Variants in THSD7A observed in about 807,000 individuals in gnomAD.
THSD7A encodes thrombospondin type 1 domain containing 7A.
THSD7A carries 96 observed loss-of-function variants against 231.3 expected under a neutral mutation model. That is an observed-to-expected ratio of 0.41 (90% CI 0.35 to 0.49). The LOEUF (loss-of-function observed/expected upper bound fraction) is 0.49. Among genes scored for constraint, THSD7A ranks in the 20% least tolerant of loss-of-function variants. The pLI is 0.05. For synonymous variants in THSD7A, 940 were observed against 743.3 expected, an observed-to-expected ratio of 1.26 and a Z score of -4.30; for missense variants, 2,290 against 2,070.2, an observed-to-expected ratio of 1.11 and a Z score of -2.06.
intron 2 of THSD7A, among the ~76,000 whole-genome samples, chr7:11,618,556 T>C (rs548703843): frequency 4.6e-5 from 7 of 151,866 alleles, no homozygotes; most frequent in Non-Finnish European, 7.4e-5. Flanking sequence ...AATCCCAGCA[T>C]CTTGGGAGGC....
intron 2 of THSD7A, among the ~76,000 whole-genome samples, chr7:11,635,311 G>C (rs764357993): frequency 5.3e-5 from 8 of 152,044 alleles, no homozygotes; most frequent in Non-Finnish European, 1.2e-4. Context: ...TTCTGAAAAA[G>C]CAATTATGCA....
intron 11 of THSD7A, among the ~76,000 whole-genome samples, chr7:11,458,095 T>C (rs1785367853): frequency 6.6e-6 from 1 of 152,118 alleles, no homozygotes; most frequent in African/African-American, 2.4e-5. Context: ...GAAATTCTGA[T>C]GTGCTAGGGG....
chr7:11,460,609 A>T, intron 11 of THSD7A, 53 bp downstream of exon 11: 1 of 1,443,052 alleles, frequency 6.9e-7, no homozygotes, highest in Non-Finnish European at 9.5e-7. Flanking sequence ...GCATCAAAAC[A>T]GTAGTTAAAC....
Position 11,590,956 on chromosome 7 carries a change from G to A in THSD7A, c.1272-315C>T, listed in dbSNP as rs1780138934. Among the ~76,000 whole-genome samples the A allele has an allele frequency of 6.6e-6, 1 of 152,150 alleles. No individual in the cohort carries two copies. Among genetic ancestry groups the A allele is most frequent in the African/African-American group, 2.4e-5 (1 of 41,432 alleles). The stretch of plus-strand genomic sequence containing the variant: ...GTTCAATTAAGCTGAACCCAGGCTT[G>A]CCCTTTCTTGTTGCCTATAAACAAA... On this transcript the variant is annotated intron_variant, in intron 3 of 27. Coordinates refer to ENST00000423059, the MANE Select transcript of THSD7A (RefSeq NM_015204.3). The surrounding 1 kb of genome is among the most constrained non-coding windows in gnomAD (Gnocchi z 4.4).
At chr7:11,470,802 A>C (rs1785908056) in intron 8 of THSD7A, among the ~76,000 whole-genome samples, 1 of 151,892 alleles carries the variant, frequency 6.6e-6, no homozygotes, top group Admixed American at 6.6e-5. Flanking sequence ...TACTATTTTC[A>C]AAATAACAGC....
At chr7:11,417,925 T>C (rs1784015998) in intron 16 of THSD7A, among the ~76,000 whole-genome samples, 1 of 152,206 alleles carries the variant, frequency 6.6e-6, no homozygotes, top group Admixed American at 6.5e-5. Flanking sequence ...AAGAGGGTCA[T>C]TTATACACAT....
intron 1 of THSD7A, among the ~76,000 whole-genome samples, chr7:11,657,558 C>G (rs1338997749): frequency 1.3e-5 from 2 of 151,744 alleles, no homozygotes; most frequent in Non-Finnish European, 2.9e-5. Context: ...TTGTGCTCAC[C>G]TACACTCTTA....
intron 6 of THSD7A, among the ~76,000 whole-genome samples, chr7:11,504,858 A>C (rs919830414): frequency 1.3e-5 from 2 of 151,970 alleles, no homozygotes; most frequent in Non-Finnish European, 2.9e-5. Flanking sequence ...TTTATTTGTA[A>C]ATTTTAGTTG....
chr7:11,816,216 A>T (rs1481942782), intron 1 of THSD7A, among the ~76,000 whole-genome samples: 1 of 152,214 alleles, frequency 6.6e-6, no homozygotes. Context: ...CTTGCCATAA[A>T]ATAGGTACTA....
intron 4 of THSD7A, among the ~76,000 whole-genome samples, chr7:11,556,788 G>T (rs772596205): frequency 6.6e-6 from 1 of 151,930 alleles, no homozygotes; most frequent in Non-Finnish European, 1.5e-5. Context: ...GAAAAATATG[G>T]TAGTACTTTA....
chr7:11,536,411 C>T (rs1788917352), intron 6 of THSD7A, among the ~76,000 whole-genome samples: 1 of 152,146 alleles, frequency 6.6e-6, no homozygotes, highest in Non-Finnish European at 1.5e-5. Context: ...CAGCCTCATC[C>T]CTGACTTTAG....
intron 6 of THSD7A, among the ~76,000 whole-genome samples, chr7:11,529,896 C>T (rs1788632169): frequency 6.6e-6 from 1 of 152,148 alleles, no homozygotes; most frequent in Admixed American, 6.5e-5. Flanking sequence ...ATAAAAGTAA[C>T]AACAAACACT....
chr7:11,739,310 G>C (rs1276991987), intron 1 of THSD7A, among the ~76,000 whole-genome samples: 1 of 151,942 alleles, frequency 6.6e-6, no homozygotes, highest in Non-Finnish European at 1.5e-5. Flanking sequence ...TAAAATTTAA[G>C]ACAGTGTTAA....
chr7:11,750,900 A>G (rs890507294), intron 1 of THSD7A, among the ~76,000 whole-genome samples: 8 of 152,156 alleles, frequency 5.3e-5, no homozygotes, highest in African/African-American at 2.4e-5. Flanking sequence ...AATAGAGTCA[A>G]AGAGTCACTG....
chr7:11,742,771 G>T (rs1250591235), intron 1 of THSD7A, among the ~76,000 whole-genome samples: 2 of 151,874 alleles, frequency 1.3e-5, no homozygotes, highest in African/African-American at 4.8e-5. Context: ...GAGGAGGTCA[G>T]ATCAGACAGA....
chr7:11,619,834 T>C (rs547586819), intron 2 of THSD7A, among the ~76,000 whole-genome samples: 1 of 152,294 alleles, frequency 6.6e-6, no homozygotes, highest in East Asian at 1.9e-4. Context: ...TTTATCTTTA[T>C]AATTGGTATT....
chr7:11,713,761 A>G (rs1189768566), intron 1 of THSD7A, among the ~76,000 whole-genome samples: 1 of 151,246 alleles, frequency 6.6e-6, no homozygotes, highest in Non-Finnish European at 1.5e-5. Context: ...AAACAGGCAC[A>G]CAGAGCTAGA....
At chr7:11,770,134 A>G (rs938017753) in intron 1 of THSD7A, among the ~76,000 whole-genome samples, 1 of 152,062 alleles carries the variant, frequency 6.6e-6, no homozygotes, top group East Asian at 1.9e-4. Flanking sequence ...CCAACTTTTC[A>G]TCATACATTT....
At chr7:11,640,833 A>G in intron 1 of THSD7A, among the ~76,000 whole-genome samples, 1 of 152,158 alleles carries the variant, frequency 6.6e-6, no homozygotes, top group Middle Eastern at 3.2e-3. Flanking sequence ...CTTATTTATA[A>G]CACCATGAAT....
Sources: allele counts gnomAD v4.1 joint callset (sites outside exome capture counted in the v4.1 genomes callset), GRCh38; gene constraint gnomAD v4.1.1; non-coding constraint Gnocchi (gnomAD v3.1); transcripts MANE v1.5; gene names NCBI Gene and HGNC (gene_info 2026-07-23, HGNC 2026-07-21).